Variants in VPS8 observed in about 807,000 individuals in gnomAD.
VPS8 encodes vacuolar protein sorting-associated protein 8 homolog.
Under a neutral mutation model 216.4 loss-of-function variants are expected in VPS8, and 129 were observed. The ratio of observed to expected loss-of-function variants is 0.60; its 90% CI spans 0.52 to 0.69. The LOEUF is 0.69. Among genes scored for constraint, VPS8 ranks in the 30% least tolerant of loss-of-function variants. VPS8 has a pLI of 0.00. For synonymous variants in VPS8, 571 were observed against 565.4 expected (o/e 1.01, Z -0.14); for missense variants, 1,531 against 1,683.5 (o/e 0.91, Z 1.59).
intron 25 of VPS8, among the ~76,000 whole-genome samples, chr3:184,906,468 T>C (rs1735518896): frequency 6.6e-6 from 1 of 152,028 alleles, no homozygotes; most frequent in Non-Finnish European, 1.5e-5. Flanking sequence ...TCTGAAACTT[T>C]GAGTGTAAGT....
chr3:184,847,526 G>T (rs1446741600), intron 8 of VPS8, among the ~76,000 whole-genome samples: 2 of 152,126 alleles, frequency 1.3e-5, no homozygotes, highest in African/African-American at 2.4e-5. Context: ...TAATAGGGGA[G>T]GTAAGACATA....
At chr3:185,048,309 G>A (rs1371369961) in intron 46 of VPS8, among the ~76,000 whole-genome samples, 170 bp from the exon 47 acceptor site, 2 of 152,230 alleles carry the variant, frequency 1.3e-5, no homozygotes, top group Non-Finnish European at 2.9e-5. Context: ...CTTAGGGGAC[G>A]TGCCGATTTC....
In VPS8 at chr3:184,833,176, A is replaced by G. The variant is rs188704030; in HGVS notation, c.353+357A>G. 5.3e-5 allele frequency among the ~76,000 whole-genome samples: 8 copies of G among 152,244 alleles called. No individual in the cohort carries two copies. The East Asian group carries it at 9.7e-4, about 18-fold the overall frequency. ...CCTCCCGCACCTCCCTGTCATCCGC[A>G]TTCTCTAAGATCAGCCTTCCTTCAT... On this transcript the variant is annotated intron_variant, in intron 4 of 47. Transcript: ENST00000625842.
intron 46 of VPS8, among the ~76,000 whole-genome samples, chr3:185,035,872 C>T (rs1758806016): frequency 6.6e-6 from 1 of 152,166 alleles, no homozygotes; most frequent in African/African-American, 2.4e-5. Context: ...AAAGACTCTG[C>T]CAGAGGCTCC....
intron 21 of VPS8, among the ~76,000 whole-genome samples, chr3:184,877,887 C>T (rs1179418163): frequency 6.6e-6 from 1 of 152,026 alleles, no homozygotes; most frequent in African/African-American, 2.4e-5. Context: ...GTAAATATAC[C>T]TGAACAATTG....
chr3:184,885,329 T>C (rs1731005404), intron 21 of VPS8, among the ~76,000 whole-genome samples: 1 of 152,226 alleles, frequency 6.6e-6, no homozygotes, highest in Non-Finnish European at 1.5e-5. Context: ...GAAAGAATAC[T>C]GCCGAAGTTT....
At chr3:184,973,041 A>G (rs774421260) in intron 40 of VPS8, among the ~76,000 whole-genome samples, 28 of 152,226 alleles carry the variant, frequency 1.8e-4, no homozygotes, top group Non-Finnish European at 4.0e-4. Context: ...GAATTTTTCA[A>G]GGTCATAAAT....
At chr3:184,905,056 A>G (rs1451662359) in intron 25 of VPS8, among the ~76,000 whole-genome samples, 6 of 152,326 alleles carry the variant, frequency 3.9e-5, no homozygotes, top group Admixed American at 6.5e-5. Flanking sequence ...GGGAACAAAC[A>G]TTGTGTCCTC....
At position 184,893,206 on chromosome 3, in the gene VPS8, A is replaced by C. The variant is rs1327175614; in HGVS notation, c.1782-1497A>C. ...GTGGAGTTCTGGTGCAGTTGTAGCC[A>C]GTCTGTTTTCCATCTGTCCCCTTCC... On this transcript the variant is annotated intron_variant, in intron 22 of 47. Transcript: ENST00000625842. The C allele has an allele frequency of 2.4e-6, 3 of 1,234,110 alleles. No individual in the cohort carries two copies. In the African/African-American group the frequency reaches 4.7e-5, roughly 19 times the overall value. The allele number at this position is 1,234,110 out of a possible 1,614,324, so 76.4% of individuals were successfully genotyped here.
chr3:184,952,654 C>T (rs1282258596), intron 36 of VPS8, among the ~76,000 whole-genome samples: 2 of 152,176 alleles, frequency 1.3e-5, no homozygotes, highest in African/African-American at 2.4e-5. Context: ...TAAGCACATG[C>T]ACAATCAAGC....
Position 184,901,253 on chromosome 3 carries a change from G to A in VPS8, c.2146+281G>A, listed in dbSNP as rs376723903. 6.5e-5 allele frequency: 22 copies of A among 341,030 alleles called. 1 individual carries two copies. Among genetic ancestry groups the A allele is most frequent in the East Asian group, 1.6e-4 (3 of 18,234 alleles). The allele number at this position is 341,030 out of a possible 1,614,324, so 21.1% of individuals were successfully genotyped here. ...TCATGTAAATGGAATTATGTGCTAT[G>A]TAACCTTTGGTGTTTTATTTCTTTC... On this transcript the variant is annotated intron_variant, in intron 25 of 47. Transcript: ENST00000625842.
intron 46 of VPS8, among the ~76,000 whole-genome samples, chr3:185,031,052 T>C (rs1055727694): frequency 5.4e-5 from 8 of 146,952 alleles, no homozygotes; most frequent in Non-Finnish European, 1.2e-4. Context: ...TTTGTTGAAT[T>C]ACAGGTTGGC....
chr3:184,908,265 A>G (rs1212080461), intron 25 of VPS8, among the ~76,000 whole-genome samples: 1 of 152,174 alleles, frequency 6.6e-6, no homozygotes, highest in Non-Finnish European at 1.5e-5. Context: ...GGGGCATTTG[A>G]GGGGCTACAA....
intron 8 of VPS8, among the ~76,000 whole-genome samples, chr3:184,848,789 G>A (rs1445366434): frequency 6.6e-6 from 1 of 151,826 alleles, no homozygotes; most frequent in Admixed American, 6.6e-5. Flanking sequence ...GCCTGGTCTC[G>A]AACTCCTGAC....
At chr3:184,967,946 C>T (rs909961723) in intron 39 of VPS8, among the ~76,000 whole-genome samples, 3 of 152,034 alleles carry the variant, frequency 2.0e-5, no homozygotes, top group East Asian at 1.9e-4. Flanking sequence ...AGTATATTCA[C>T]GTAATTATAT....
intron 36 of VPS8, among the ~76,000 whole-genome samples, chr3:184,954,861 TATC>T (rs1446056619): frequency 6.6e-6 from 1 of 152,216 alleles, no homozygotes; most frequent in African/African-American, 2.4e-5. Context: ...CATGGACAAT[TATC>T]AATCATTATT....
At position 184,863,074 on chromosome 3, in the gene VPS8, A is replaced by G. The variant is rs370627072; in HGVS notation, c.1395+7A>G. The G allele has an allele frequency of 1.9e-6, 3 of 1,612,300 alleles. No individual in the cohort carries two copies. The highest frequency in any genetic ancestry group is 1.7e-6 in the Non-Finnish European group (2 of 1,179,032). ...AAATGTTAGCCAGGCACTGGTAAGG[A>G]TAATCACTTATCTTGCTATCCTAGA... On this transcript the variant is annotated splice_region_variant and intron_variant, in intron 16 of 47. Transcript: ENST00000625842.
At chr3:184,888,160 T>A (rs1362064246) in intron 22 of VPS8, among the ~76,000 whole-genome samples, 1 of 152,132 alleles carries the variant, frequency 6.6e-6, no homozygotes, top group African/African-American at 2.4e-5. Flanking sequence ...GCTAATTTTT[T>A]GTATTTTTAG....
At chr3:184,954,843 G>T (rs865991149) in intron 36 of VPS8, among the ~76,000 whole-genome samples, 33 of 152,154 alleles carry the variant, frequency 2.2e-4, no homozygotes, top group Admixed American at 9.8e-4. Flanking sequence ...ATTAGATATA[G>T]AGATGATCAT....
Sources: gnomAD v4.1 joint callset for allele counts (sites outside exome capture counted in the v4.1 genomes callset) on GRCh38, gnomAD v4.1.1 for gene constraint, MANE v1.5 for transcripts, NCBI Gene and HGNC (gene_info 2026-07-23, HGNC 2026-07-21) for gene names.